Variants in CEP70 observed in about 807,000 individuals in gnomAD.
The protein encoded by CEP70 is centrosomal protein of 70 kDa.
Under a neutral mutation model 90.9 loss-of-function variants are expected in CEP70, and 70 were observed. That is an observed-to-expected ratio of 0.77 (90% confidence interval 0.64 to 0.94). The LOEUF is 0.94. CEP70 is among the 40% of genes least tolerant of loss of function. The probability of loss-of-function intolerance (pLI) is 0.00; values close to 1 mark genes in which losing one functional copy is unlikely to be tolerated. For synonymous variants in CEP70, 220 were observed against 228.3 expected (o/e 0.96, Z 0.33); for missense variants, 648 against 669.0 (o/e 0.97, Z 0.35).
chr3:138,567,376 T>C (rs1001630168), intron 6 of CEP70, among the ~76,000 whole-genome samples: 3 of 152,186 alleles, frequency 2.0e-5, no homozygotes, highest in African/African-American at 7.2e-5. Flanking sequence ...AAAGCAAAGA[T>C]TGATTAGTAT....
At chr3:138,544,869 AAG>A (rs2039065622) in intron 6 of CEP70, among the ~76,000 whole-genome samples, 1 of 152,172 alleles carries the variant, frequency 6.6e-6, no homozygotes, top group Admixed American at 6.5e-5. Context: ...AGATCTCAGA[AAG>A]AGAGAGCAAA....
rs546263035 is a variant in CEP70 at position 138,544,172 on chromosome 3, GT to G, written c.466-6826del. On this transcript the variant is annotated intron_variant, in intron 6 of 17. Transcript: ENST00000264982. ...AAATAACTTGTTATATCTATAAAATGTTTTTTTGTAAATCTCATGGTAACTA... is the reference window on the plus strand; with the variant it reads ...AAATAACTTGTTATATCTATAAAATGTTTTTTGTAAATCTCATGGTAACTA... 5.3e-5 allele frequency among the ~76,000 whole-genome samples: 8 copies of G among 151,786 alleles called. No homozygotes were observed. The South Asian group carries it at 1.3e-3, about 24-fold the overall frequency.
chr3:138,554,889 A>G (rs1056810906), intron 6 of CEP70, among the ~76,000 whole-genome samples: 3 of 152,122 alleles, frequency 2.0e-5, no homozygotes, highest in Non-Finnish European at 4.4e-5. Flanking sequence ...TTGCTGTGCA[A>G]ATGGTGCTGG....
intron 2 of CEP70, among the ~76,000 whole-genome samples, chr3:138,590,405 AGC>A (rs2042322923): frequency 6.6e-6 from 1 of 152,162 alleles, no homozygotes; most frequent in Non-Finnish European, 1.5e-5. Context: ...CAGGTATCCT[AGC>A]TCTGTCTACT....
intron 11 of CEP70, among the ~76,000 whole-genome samples, chr3:138,522,745 C>T (rs1408053099): frequency 1.3e-5 from 2 of 151,970 alleles, no homozygotes; most frequent in African/African-American, 2.4e-5. Context: ...GCTTACCAAC[C>T]AAAAAAAGTC....
intron 10 of CEP70, among the ~76,000 whole-genome samples, chr3:138,525,958 T>C (rs1048029494): frequency 2.0e-5 from 3 of 152,180 alleles, no homozygotes; most frequent in African/African-American, 7.2e-5. Context: ...CTCATTAATG[T>C]CATTCTTCTC....
At chr3:138,558,325 A>G (rs1414096637) in intron 6 of CEP70, among the ~76,000 whole-genome samples, 2 of 152,170 alleles carry the variant, frequency 1.3e-5, no homozygotes, top group Non-Finnish European at 2.9e-5. Context: ...AGATCACACC[A>G]CTGCACTCCA....
At chr3:138,544,133 C>T (rs144563863) in intron 6 of CEP70, among the ~76,000 whole-genome samples, 811 of 152,098 alleles carry the variant, frequency 5.3e-3, no homozygotes, top group African/African-American at 0.019. Flanking sequence ...CTTTTAAAAA[C>T]TCCTTAACTT....
At chr3:138,557,548 C>T (rs972677118) in intron 6 of CEP70, among the ~76,000 whole-genome samples, 7 of 152,192 alleles carry the variant, frequency 4.6e-5, no homozygotes, top group South Asian at 4.1e-4. Flanking sequence ...TAAATGTCCA[C>T]GAAATCTTCA....
chr3:138,593,772 G>A (rs934344716), intron 1 of CEP70: 1 of 152,186 alleles, frequency 6.6e-6, no homozygotes, highest in African/African-American at 2.4e-5. Flanking sequence ...AACCTTCGCG[G>A]TTGTTTGACA....
At chr3:138,530,024 C>T (rs1475092090) in intron 8 of CEP70, among the ~76,000 whole-genome samples, 2 of 152,192 alleles carry the variant, frequency 1.3e-5, no homozygotes, top group East Asian at 3.8e-4. Context: ...GTATCTGTCA[C>T]ATCTACTTTA....
At chr3:138,589,153 A>C (rs1248444764) in intron 2 of CEP70, among the ~76,000 whole-genome samples, 1 of 152,186 alleles carries the variant, frequency 6.6e-6, no homozygotes, top group Non-Finnish European at 1.5e-5. Flanking sequence ...TCATAGGTGT[A>C]TATGTAAGTC....
At chr3:138,508,651 C>T (rs529907914) in intron 11 of CEP70, 107 bp from the exon 12 acceptor site, 14 of 730,154 alleles carry the variant, frequency 1.9e-5, no homozygotes, top group East Asian at 7.6e-5. Flanking sequence ...AGCCTTATAT[C>T]ACTTTACTTA....
rs2033851740 is a variant in CEP70, at chr3:138,494,511, T to C, written c.*504A>G. 1 of 152,302 alleles carries C rather than the reference T, an allele frequency of 6.6e-6. No individual in the cohort carries two copies. The highest frequency in any genetic ancestry group is 1.5e-5 in the Non-Finnish European group (1 of 68,114). The allele number at this position is 152,302 out of a possible 1,614,324, so 9.4% of individuals were successfully genotyped here. On this transcript the variant is annotated 3_prime_UTR_variant, in exon 18 of 18. Transcript: ENST00000264982. Reference sequence around the variant, plus strand: ...AACAGAAATGATGAAACAGTTTTTCTTTCTTCCTTTTCTTCCTCCTGCTTT... The same window carrying C: ...AACAGAAATGATGAAACAGTTTTTCCTTCTTCCTTTTCTTCCTCCTGCTTT...
rs1215397961 is a variant in CEP70 at position 138,567,745 on chromosome 3, TG to T, written c.465+2572del. Among the ~76,000 whole-genome samples the T allele has an allele frequency of 5.3e-5, 8 of 152,346 alleles. No individual in the cohort carries two copies. The East Asian group carries it at 1.3e-3, about 26-fold the overall frequency. ...GGGGGTGGCTGTTGTTAAGATGCTA[TG>T]GAAGTCCAAGTTCTAGCAACCTCTT... On this transcript the variant is annotated intron_variant, in intron 6 of 17. Coordinates refer to ENST00000264982, the MANE Select transcript of CEP70 (RefSeq NM_024491.4).
chr3:138,538,728 T>G (rs1425114326), intron 6 of CEP70, among the ~76,000 whole-genome samples: 2 of 152,088 alleles, frequency 1.3e-5, no homozygotes, highest in Non-Finnish European at 2.9e-5. Context: ...ATCCTTATTC[T>G]TTTTCTTTTT....
At chr3:138,544,802 C>T (rs957114709) in intron 6 of CEP70, among the ~76,000 whole-genome samples, 9 of 152,122 alleles carry the variant, frequency 5.9e-5, no homozygotes, top group African/African-American at 2.2e-4. Flanking sequence ...TGAAATAAGC[C>T]AGGCCCTGAA....
chr3:138,548,557 G>C (rs1191467543), intron 6 of CEP70, among the ~76,000 whole-genome samples: 2 of 152,170 alleles, frequency 1.3e-5, no homozygotes, highest in Non-Finnish European at 2.9e-5. Context: ...TTAATCTTAG[G>C]CTTCAAATAA....
intron 6 of CEP70, among the ~76,000 whole-genome samples, chr3:138,550,271 C>T (rs977252253): frequency 3.9e-5 from 6 of 152,056 alleles, no homozygotes; most frequent in Non-Finnish European, 7.4e-5. Context: ...CAAGGAGGCA[C>T]CAGAGAAGGG....
Sources: gnomAD v4.1 joint callset for allele counts (sites outside exome capture counted in the v4.1 genomes callset) on GRCh38, gnomAD v4.1.1 for gene constraint, MANE v1.5 for transcripts, NCBI Gene and HGNC (gene_info 2026-07-23, HGNC 2026-07-21) for gene names.